Variants in ADAMTSL1 observed in about 807,000 individuals in gnomAD.
ADAMTSL1 encodes the protein ADAMTS-like protein 1.
ADAMTSL1 carries 126 observed loss-of-function variants against 201.8 expected under a neutral mutation model. The ratio of observed to expected loss-of-function variants is 0.62; its 90% confidence interval spans 0.54 to 0.72. The LOEUF (loss-of-function observed/expected upper bound fraction) is 0.72. ADAMTSL1 is among the 30% of genes least tolerant of loss of function. The probability of loss-of-function intolerance (pLI) is 0.00; values close to 1 mark genes in which losing one functional copy is unlikely to be tolerated. For missense variants in ADAMTSL1, 2,679 were observed against 2,277.8 expected (o/e 1.18, Z -3.59); for synonymous variants, 1,121 against 903.4 (o/e 1.24, Z -4.32).
At chr9:18,712,789 C>T (rs1333106740) in intron 14 of ADAMTSL1, among the ~76,000 whole-genome samples, 1 of 151,846 alleles carries the variant, frequency 6.6e-6, no homozygotes, top group East Asian at 1.9e-4. Context: ...CTCCAAGACA[C>T]ATAATTGTCA....
chr9:18,201,999 TTA>T (rs1563804582), intron 2 of ADAMTSL1, among the ~76,000 whole-genome samples: 1 of 152,180 alleles, frequency 6.6e-6, no homozygotes, highest in African/African-American at 2.4e-5. Flanking sequence ...ATACACTATT[TTA>T]TAAGAGAATA....
intron 21 of ADAMTSL1, among the ~76,000 whole-genome samples, chr9:18,820,035 G>A (rs1261192863): frequency 6.6e-6 from 1 of 152,220 alleles, no homozygotes; most frequent in Non-Finnish European, 1.5e-5. Context: ...GTGACCTCCT[G>A]ATTGGTTAGG....
chr9:18,821,470 G>A (rs1824206774), intron 21 of ADAMTSL1, among the ~76,000 whole-genome samples: 1 of 152,154 alleles, frequency 6.6e-6, no homozygotes, highest in African/African-American at 2.4e-5. Context: ...CGCCTGGAAG[G>A]AGCATACATT....
chr9:18,124,767 T>C (rs1404599423), intron 1 of ADAMTSL1, among the ~76,000 whole-genome samples: 1 of 152,194 alleles, frequency 6.6e-6, no homozygotes, highest in East Asian at 1.9e-4. Flanking sequence ...CTTGACTCCT[T>C]TGCAATTCAA....
intron 2 of ADAMTSL1, among the ~76,000 whole-genome samples, chr9:18,334,286 A>G (rs1835143406): frequency 6.6e-6 from 1 of 152,156 alleles, no homozygotes; most frequent in East Asian, 1.9e-4. Context: ...ATTAGGCTCT[A>G]TGTAAGCTTT....
At chr9:18,350,340 A>G (rs906263898) in intron 2 of ADAMTSL1, among the ~76,000 whole-genome samples, 1 of 152,010 alleles carries the variant, frequency 6.6e-6, no homozygotes, top group African/African-American at 2.4e-5. Flanking sequence ...GCAGGGGGGA[A>G]AAAGAGGTCA....
At chr9:18,233,416 A>G (rs1033850562) in intron 2 of ADAMTSL1, among the ~76,000 whole-genome samples, 2 of 152,196 alleles carry the variant, frequency 1.3e-5, no homozygotes, top group African/African-American at 4.8e-5. Flanking sequence ...AGATCCTAAA[A>G]TTAGAATCAT....
At chr9:18,357,319 T>C (rs540571818) in intron 2 of ADAMTSL1, among the ~76,000 whole-genome samples, 4 of 152,292 alleles carry the variant, frequency 2.6e-5, no homozygotes, top group African/African-American at 9.6e-5. Context: ...TTAGGAGCTT[T>C]AATTAAATAT....
At chr9:18,810,614 G>A (rs1335024545) in intron 20 of ADAMTSL1, among the ~76,000 whole-genome samples, 1 of 152,156 alleles carries the variant, frequency 6.6e-6, no homozygotes, top group African/African-American at 2.4e-5. Context: ...CTTACAGAAG[G>A]TTAAGCTTGG....
intron 15 of ADAMTSL1, among the ~76,000 whole-genome samples, chr9:18,738,330 C>G (rs1564194088): frequency 6.6e-6 from 1 of 152,110 alleles, no homozygotes; most frequent in Non-Finnish European, 1.5e-5. Context: ...TGCTTTCAAA[C>G]ATGTGCGTAG....
rs1203973749 is a variant in ADAMTSL1 at position 18,518,604 on chromosome 9, A to G, written c.191+13648A>G. ...TTGCTATTGTGAATAGTGCTGCAATAAACATATGAATGCAGGTGTCTTTTT... is the reference window on the plus strand; with the variant it reads ...TTGCTATTGTGAATAGTGCTGCAATGAACATATGAATGCAGGTGTCTTTTT... On this transcript the variant is annotated intron_variant, in intron 2 of 28. Coordinates refer to ENST00000380548, the MANE Select transcript of ADAMTSL1 (RefSeq NM_001040272.6). Among the ~76,000 whole-genome samples, 3 of 152,138 alleles carry G rather than the reference A, an allele frequency of 2.0e-5. No individual in the cohort carries two copies. In the East Asian group the frequency reaches 5.8e-4, roughly 29 times the overall value.
chr9:18,338,518 C>T (rs974015379), intron 2 of ADAMTSL1, among the ~76,000 whole-genome samples: 10 of 152,086 alleles, frequency 6.6e-5, no homozygotes, highest in Non-Finnish European at 1.0e-4. Context: ...ATAATCATTG[C>T]TCACTGCAGC....
intron 2 of ADAMTSL1, among the ~76,000 whole-genome samples, chr9:18,273,190 G>A (rs375479424): frequency 2.0e-5 from 3 of 152,046 alleles, no homozygotes; most frequent in South Asian, 2.1e-4. Flanking sequence ...AGTGATTCTC[G>A]TGCCTCAGCC....
rs1587925644 is a variant in ADAMTSL1, at chr9:18,698,078, G to A, written c.1575-8669G>A. On this transcript the variant is annotated intron_variant, in intron 13 of 28. Transcript: ENST00000380548. ...AACTTTTATTTATAAAGCACTTAGA[G>A]TAGTGCCTGGCACATAAGAAACACT... Among the ~76,000 whole-genome samples, 3 of 152,266 alleles carry A rather than the reference G, an allele frequency of 2.0e-5. No homozygotes were observed. In the East Asian group the frequency reaches 5.8e-4, roughly 29 times the overall value.
intron 2 of ADAMTSL1, among the ~76,000 whole-genome samples, chr9:18,350,824 G>T (rs1835934301): frequency 6.6e-6 from 1 of 152,096 alleles, no homozygotes; most frequent in Non-Finnish European, 1.5e-5. Flanking sequence ...TATGGAATTG[G>T]CAGGAAAACT....
At chr9:18,622,012 T>C (rs1320024979) in intron 4 of ADAMTSL1, among the ~76,000 whole-genome samples, 4 of 152,298 alleles carry the variant, frequency 2.6e-5, no homozygotes, top group Admixed American at 2.6e-4. Context: ...ATTCTCTTTC[T>C]TTTACCCTTC....
intron 1 of ADAMTSL1, among the ~76,000 whole-genome samples, chr9:18,116,635 T>G (rs973362174): frequency 1.3e-5 from 2 of 152,236 alleles, no homozygotes; most frequent in African/African-American, 2.4e-5. Context: ...ATGTAGCAGA[T>G]GTCTTATCTG....
intron 7 of ADAMTSL1, among the ~76,000 whole-genome samples, chr9:18,654,194 G>A (rs920722679): frequency 1.3e-4 from 20 of 152,156 alleles, no homozygotes; most frequent in Admixed American, 2.6e-4. Flanking sequence ...ACGCCACTTC[G>A]CTCCACCCTG....
intron 1 of ADAMTSL1, among the ~76,000 whole-genome samples, chr9:18,112,407 A>G (rs562767207): frequency 6.6e-6 from 1 of 152,184 alleles, no homozygotes; most frequent in East Asian, 1.9e-4. Flanking sequence ...TGTTCCATAC[A>G]GATTCTCAGA....
Sources: allele counts gnomAD v4.1 joint callset (sites outside exome capture counted in the v4.1 genomes callset), GRCh38; gene constraint gnomAD v4.1.1; transcripts MANE v1.5; gene names NCBI Gene and HGNC (gene_info 2026-07-23, HGNC 2026-07-21).